The following VWA8 variants were observed in gnomAD, a reference collection of about 807,000 sequenced individuals.
VWA8 encodes the protein von Willebrand factor A domain-containing protein 8.
In VWA8, 221 loss-of-function variants were observed where a neutral mutation model predicts 241.5. The ratio of observed to expected loss-of-function variants is 0.91; its 90% CI spans 0.82 to 1.02. The LOEUF (loss-of-function observed/expected upper bound fraction) is 1.02, where lower values mean the gene tolerates loss of function less well. Ranked by LOEUF, VWA8 falls within the 50% of genes least tolerant of loss-of-function variation. The probability of loss-of-function intolerance (pLI) is 0.00; values close to 1 mark genes in which losing one functional copy is unlikely to be tolerated. For synonymous variants in VWA8, 852 were observed against 827.1 expected, an observed-to-expected ratio of 1.03 and a Z score of -0.52; for missense variants, 2,322 against 2,328.7, an observed-to-expected ratio of 1.00 and a Z score of 0.06.
intron 37 of VWA8, among the ~76,000 whole-genome samples, chr13:41,655,512 AG>A (rs2044898381): frequency 6.6e-6 from 1 of 150,388 alleles, no homozygotes; most frequent in African/African-American, 2.5e-5. Context: ...AGAGAGAGAG[AG>A]AGAGAAAGTA....
intron 2 of VWA8, among the ~76,000 whole-genome samples, chr13:41,914,876 T>C (rs2138117682): frequency 6.6e-6 from 1 of 152,342 alleles, no homozygotes; most frequent in East Asian, 1.9e-4. Flanking sequence ...CCACCTTTTA[T>C]TATTTATGAC....
chr13:41,730,735 T>TA (rs1300532974), intron 22 of VWA8, among the ~76,000 whole-genome samples: 4 of 152,038 alleles, frequency 2.6e-5, no homozygotes, highest in Non-Finnish European at 5.9e-5. Flanking sequence ...TCAAGATTTT[T>TA]AAAAAAATAG....
chr13:41,701,390 AC>A lies in VWA8; in HGVS notation c.3364+1del. ...AAAGATCAAAAGAATAAGCAGACATACCATGTGATGTAGCAATGTCACAGAT... is the reference window on the plus strand; with the variant it reads ...AAAGATCAAAAGAATAAGCAGACATACATGTGATGTAGCAATGTCACAGAT... On this transcript the variant is annotated splice_donor_variant, in intron 28 of 44. Coordinates refer to ENST00000379310, the MANE Select transcript of VWA8 (RefSeq NM_015058.2). LOFTEE classifies it high-confidence loss of function. 6.3e-7 allele frequency: 1 copy of A among 1,596,948 alleles called. No homozygotes were observed. Among genetic ancestry groups the A allele is most frequent in the Non-Finnish European group, 8.5e-7 (1 of 1,174,076 alleles).
At chr13:41,925,859 T>C (rs1876805667) in intron 2 of VWA8, 1 of 326,430 alleles carries the variant, frequency 3.1e-6, no homozygotes, top group Non-Finnish European at 6.2e-6. Context: ...ATCAACTGAA[T>C]GTCAATGGGG....
chr13:41,883,869 A>G (rs2138075803), intron 8 of VWA8, among the ~76,000 whole-genome samples: 1 of 152,278 alleles, frequency 6.6e-6, no homozygotes, highest in Middle Eastern at 3.4e-3. Flanking sequence ...ATCCCAAAGT[A>G]CCTGATCCCT....
rs555011097 is a variant in VWA8 at position 41,837,727 on chromosome 13, C to T, written c.1426-4196G>A. On this transcript the variant is annotated intron_variant, in intron 12 of 44. Transcript: ENST00000379310. ...TATTAGTAAGCAGAAATGCAAATTT[C>T]TTTTTAAAAGTGTGCTTATTCCATA... 2.0e-5 allele frequency among the ~76,000 whole-genome samples: 3 copies of T among 152,090 alleles called. No individual in the cohort carries two copies. The South Asian group carries it at 6.2e-4, about 31-fold the overall frequency.
At position 41,885,901 on chromosome 13, in the gene VWA8, A is replaced by T; in HGVS notation, c.975+19T>A. Reference sequence around the variant, plus strand: ...TTTAACATATTTGGGTATGCCAGTCATTAATTTATTTTACTTACCAAGATT... The same window carrying T: ...TTTAACATATTTGGGTATGCCAGTCTTTAATTTATTTTACTTACCAAGATT... On this transcript the variant is annotated intron_variant, in intron 8 of 44. Transcript: ENST00000379310. The T allele has an allele frequency of 2.0e-6, 3 of 1,535,068 alleles. No homozygotes were observed. The highest frequency in any genetic ancestry group is 2.6e-6 in the Non-Finnish European group (3 of 1,135,102).
In VWA8 at chr13:41,637,742, T is replaced by C. The variant is rs556435822; in HGVS notation, c.4612-22658A>G. ...GACTAGAATTTTTATTATGTAAAAC[T>C]CTTCCTCCCTGTCTTCTTCCCCCAC... On this transcript the variant is annotated intron_variant, in intron 37 of 44. Transcript: ENST00000379310. Among the ~76,000 whole-genome samples the C allele has an allele frequency of 5.9e-5, 9 of 152,310 alleles. No homozygotes were observed. In the South Asian group the frequency reaches 1.9e-3, roughly 32 times the overall value.
intron 39 of VWA8, among the ~76,000 whole-genome samples, chr13:41,606,669 G>A (rs552180342): frequency 2.2e-4 from 33 of 152,230 alleles, no homozygotes; most frequent in African/African-American, 7.9e-4. Flanking sequence ...GAGAATAAAT[G>A]TTCTGTATTC....
At chr13:41,817,760 C>T (rs1426454538) in intron 15 of VWA8, among the ~76,000 whole-genome samples, 2 of 152,146 alleles carry the variant, frequency 1.3e-5, no homozygotes, top group Non-Finnish European at 2.9e-5. Context: ...TACAACCATG[C>T]TTACAAGACC....
At chr13:41,617,049 T>C (rs965640849) in intron 37 of VWA8, among the ~76,000 whole-genome samples, 2 of 151,664 alleles carry the variant, frequency 1.3e-5, no homozygotes, top group African/African-American at 4.8e-5. Context: ...AAAAAAACTA[T>C]ATGAAAGGTA....
chr13:41,750,969 T>G (rs1347830670), intron 21 of VWA8, among the ~76,000 whole-genome samples: 1 of 152,054 alleles, frequency 6.6e-6, no homozygotes, highest in Non-Finnish European at 1.5e-5. Context: ...GCTAGCTGTG[T>G]GACCTTGGCC....
chr13:41,919,856 C>T (rs891203742), intron 2 of VWA8, among the ~76,000 whole-genome samples: 1 of 152,090 alleles, frequency 6.6e-6, no homozygotes, highest in African/African-American at 2.4e-5. Flanking sequence ...CTCCAACCCA[C>T]GTAGCTGTAT....
Position 41,960,938 on chromosome 13 carries a change from C to G in VWA8, c.78G>C (p.Leu26=). The change falls in exon 1 of 45, where the codon CTG becomes CTC. Residue 26 remains leucine, a synonymous_variant. Coordinates refer to ENST00000379310, the MANE Select transcript of VWA8 (RefSeq NM_015058.2). ...CCGGCCTGCGCTGCACCACCTGCCG[C>G]AGGAGCAGCCGCATGCGCCGCGAGG... ...GPASRRMRLL[L]RQVVQRRPGG... is the part of the protein sequence containing the mutation. 6.7e-7 allele frequency: 1 copy of G among 1,486,832 alleles called. No homozygotes were observed. The highest frequency in any genetic ancestry group is 1.3e-5 in the South Asian group (1 of 78,990). The allele number at this position is 1,486,832 out of a possible 1,614,324, so 92.1% of individuals were successfully genotyped here. A position where few individuals can be genotyped will look rare whatever the true frequency, so the allele number is the denominator to read the frequency against.
intron 39 of VWA8, among the ~76,000 whole-genome samples, chr13:41,609,519 T>TG (rs2044573866): frequency 6.6e-6 from 1 of 152,114 alleles, no homozygotes; most frequent in Non-Finnish European, 1.5e-5. Context: ...CTCTTGAAGT[T>TG]GGGGGGTCGG....
chr13:41,749,198 A>T (rs1357095972), intron 21 of VWA8, among the ~76,000 whole-genome samples: 1 of 152,244 alleles, frequency 6.6e-6, no homozygotes, highest in Non-Finnish European at 1.5e-5. Context: ...GGCAAAGGAT[A>T]TGAACAGACA....
chr13:41,896,219 T>C (rs907703531), intron 4 of VWA8, among the ~76,000 whole-genome samples: 1 of 152,106 alleles, frequency 6.6e-6, no homozygotes, highest in Non-Finnish European at 1.5e-5. Context: ...TTGCTATTAT[T>C]ACATGTATTA....
chr13:41,693,009 G>A (rs763717153), intron 29 of VWA8, 37 bp from the exon 30 acceptor site: 11 of 1,057,744 alleles, frequency 1.0e-5, no homozygotes, highest in South Asian at 3.3e-5. Flanking sequence ...CTCAAGATTT[G>A]TTCTTTTTTT....
At chr13:41,922,357 T>C (rs887882758) in intron 2 of VWA8, among the ~76,000 whole-genome samples, 2 of 152,128 alleles carry the variant, frequency 1.3e-5, no homozygotes, top group Non-Finnish European at 2.9e-5. Context: ...GCAATACCAT[T>C]CAGGACATAG....
Sources: allele counts gnomAD v4.1 joint callset (sites outside exome capture counted in the v4.1 genomes callset), GRCh38; gene constraint gnomAD v4.1.1; transcripts MANE v1.5; gene names NCBI Gene and HGNC (gene_info 2026-07-23, HGNC 2026-07-21).